The following APC2 variants were observed in gnomAD, a reference collection of about 807,000 sequenced individuals.
APC2 encodes APC regulator of Wnt signaling pathway 2.
In APC2, 41 loss-of-function variants were observed where a neutral mutation model predicts 72.5. That is an observed-to-expected ratio of 0.57 (90% CI 0.44 to 0.73). The LOEUF (loss-of-function observed/expected upper bound fraction) is 0.73, where lower values mean the gene tolerates loss of function less well. Among genes scored for constraint, APC2 ranks in the 30% least tolerant of loss-of-function variants. The probability of loss-of-function intolerance (pLI) is 0.00; values close to 1 mark genes in which losing one functional copy is unlikely to be tolerated. For synonymous variants in APC2, 1,898 were observed against 1,612.0 expected (o/e 1.18, Z -4.25); for missense variants, 3,729 against 3,403.4 (o/e 1.10, Z -2.38).
chr19:1,455,717 G>T (rs1376348558), intron 6 of APC2, among the ~76,000 whole-genome samples: 1 of 152,030 alleles, frequency 6.6e-6, no homozygotes, highest in Non-Finnish European at 1.5e-5. Flanking sequence ...AGGGCGGTGG[G>T]GTGCGACAGT....
In APC2 at chr19:1,450,166, G is replaced by C; in HGVS notation, c.-191G>C. On this transcript the variant is annotated 5_prime_UTR_variant, in exon 1 of 15. Coordinates refer to ENST00000590469, the MANE Select transcript of APC2 (RefSeq NM_005883.3). ...TAGGAGCGGCAGCGCCGCCTGCCCA[G>C]GCCCGGACCGGGCTTTGTCCGCCCC... 1.0e-6 allele frequency: 1 copy of C among 985,308 alleles called. No individual in the cohort carries two copies. Among genetic ancestry groups the C allele is most frequent in the Non-Finnish European group, 1.2e-6 (1 of 829,908 alleles). The allele number at this position is 985,308 out of a possible 1,614,324, so 61.0% of individuals were successfully genotyped here. A position where few individuals can be genotyped will look rare whatever the true frequency, so the allele number is the denominator to read the frequency against.
In APC2 at chr19:1,470,169, G is replaced by A. The variant is rs762838706; in HGVS notation, c.6868G>A (p.Ala2290Thr). The A allele has an allele frequency of 6.9e-6, 11 of 1,602,264 alleles. No homozygotes were observed. Among genetic ancestry groups the A allele is most frequent in the Non-Finnish European group, 9.3e-6 (11 of 1,176,578 alleles). ...MVVAATTDSA[A>T]EKAPATASAT... ...GGTCGCAGCCACCACCGACTCGGCCGCGGAGAAAGCCCCGGCCACTGCCTC... is the reference window on the plus strand; with the variant it reads ...GGTCGCAGCCACCACCGACTCGGCCACGGAGAAAGCCCCGGCCACTGCCTC... The change falls in exon 15 of 15, where the codon GCG (alanine) becomes ACG (threonine). Residue 2290 changes from alanine (A) to threonine (T), a missense_variant. Physicochemically the swap from Ala to Thr is moderately conservative, Grantham distance 58. Transcript: ENST00000590469.
In APC2 at chr19:1,462,124, C is replaced by T. The variant is rs370253263; in HGVS notation, c.1800C>T (p.Gly600=). The change falls in exon 14 of 15, where the codon GGC becomes GGT. Residue 600 remains glycine, a synonymous_variant. Coordinates refer to ENST00000590469, the MANE Select transcript of APC2 (RefSeq NM_005883.3). ...QSNSLAIIES[G]GGILRNVSSL... ...ACTCGCTGGCCATCATCGAGAGCGG[C>T]GGCGGCATCCTCCGCAATGTGTCCA... 33 of 1,612,382 alleles carry T rather than the reference C, an allele frequency of 2.0e-5. No homozygotes were observed. The highest frequency in any genetic ancestry group is 2.0e-4 in the African/African-American group (15 of 74,926).
chr19:1,457,298 TC>T lies in APC2; in HGVS notation c.1207+58del, dbSNP rs1382676045. On this transcript the variant is annotated intron_variant, in intron 9 of 14. Coordinates refer to ENST00000590469, the MANE Select transcript of APC2 (RefSeq NM_005883.3). Reference sequence around the variant, plus strand: ...GCGCAATTAACGTGCAGCTAGGGCTTCCCGGGGGATGGGCGACTAGGACCTC... The same window carrying T: ...GCGCAATTAACGTGCAGCTAGGGCTTCCGGGGGATGGGCGACTAGGACCTC... 2.0e-6 allele frequency: 3 copies of T among 1,466,356 alleles called. No individual in the cohort carries two copies. The African/African-American group carries it at 4.4e-5, about 22-fold the overall frequency. 90.8% of individuals were successfully genotyped at this position (1,466,356 alleles called of 1,614,324 possible). A position where few individuals can be genotyped will look rare whatever the true frequency, so the allele number is the denominator to read the frequency against.
Position 1,450,221 on chromosome 19 carries a change from G to T in APC2, c.-136G>T. On this transcript the variant is annotated 5_prime_UTR_variant, in exon 1 of 15. Coordinates refer to ENST00000590469, the MANE Select transcript of APC2 (RefSeq NM_005883.3). ...CCCCTGCCCGCGCCGCGGAGACCCC[G>T]GAGCCCGCGCGCTCCGAGGCCACCC... The T allele has an allele frequency of 2.0e-6, 2 of 985,130 alleles. No individual in the cohort carries two copies. Among genetic ancestry groups the T allele is most frequent in the Non-Finnish European group, 2.4e-6 (2 of 829,812 alleles). 61.0% of individuals were successfully genotyped at this position (985,130 alleles called of 1,614,324 possible).
chr19:1,458,570 CA>C (rs1306595649), intron 10 of APC2: 69 of 151,642 alleles, frequency 4.6e-4, no homozygotes, highest in South Asian at 1.4e-3. Flanking sequence ...CCCATCACTA[CA>C]AAAAAAAAAT....
rs138830892 is a variant in APC2 at position 1,456,317 on chromosome 19, G to A, written c.729G>A (p.Ala243=). The A allele has an allele frequency of 1.2e-6, 2 of 1,608,138 alleles. No individual in the cohort carries two copies. Among genetic ancestry groups the A allele is most frequent in the Admixed American group, 3.3e-5 (2 of 59,704 alleles). Residue 243 remains alanine, a synonymous_variant, in exon 8 of 15, where the codon GCG becomes GCA. Coordinates refer to ENST00000590469, the MANE Select transcript of APC2 (RefSeq NM_005883.3). ...TGCTCTCCCTGCAGGCCTTGCTGGC[G>A]GTGAAGTCGGTGCCGGTGGACGAGG... ...VQQTEPQALL[A]VKSVPVDEDP...
rs374357481 is a variant in APC2 at position 1,456,067 on chromosome 19, C to G, written c.640-9C>G. 1 of 1,560,394 alleles carries G rather than the reference C, an allele frequency of 6.4e-7. No individual in the cohort carries two copies. Among genetic ancestry groups the G allele is most frequent in the South Asian group, 1.2e-5 (1 of 85,270 alleles). On this transcript the variant is annotated splice_polypyrimidine_tract_variant and intron_variant, in intron 6 of 14. Transcript: ENST00000590469. ...GCTCCAGCACTTGCCCTCGTGTGGT[C>G]CTGAGCAGATCCGCGCCTCGCGCCT...
At position 1,468,071 on chromosome 19, in the gene APC2, G is replaced by C. The variant is rs749796721; in HGVS notation, c.4770G>C (p.Glu1590Asp). 7 of 1,560,132 alleles carry C rather than the reference G, an allele frequency of 4.5e-6. No individual in the cohort carries two copies. Among genetic ancestry groups the C allele is most frequent in the Non-Finnish European group, 5.2e-6 (6 of 1,162,892 alleles). Residue 1590 changes from glutamate to aspartate, a missense_variant, in exon 15 of 15, where the codon GAG (glutamate) becomes GAC (aspartate). By Grantham distance (45) the Glu-to-Asp change is conservative. Coordinates refer to ENST00000590469, the MANE Select transcript of APC2 (RefSeq NM_005883.3). ...CCGCCAGCTCCCTCAGCGAGCCCGA[G>C]CCCTCGGAGCCGCCGGCCGTCCATC... ...SSSASSLSEP[E>D]PSEPPAVHPR...
rs1437805640 is a variant in APC2, at chr19:1,465,477, C to G, written c.2176C>G (p.Leu726Val). The G allele has an allele frequency of 2.0e-6, 3 of 1,529,278 alleles. No individual in the cohort carries two copies. Among genetic ancestry groups the G allele is most frequent in the Non-Finnish European group, 2.6e-6 (3 of 1,142,746 alleles). 94.7% of individuals were successfully genotyped at this position (1,529,278 alleles called of 1,614,324 possible). A position where few individuals can be genotyped will look rare whatever the true frequency, so the allele number is the denominator to read the frequency against. The change falls in exon 15 of 15, where the codon CTG becomes GTG. Residue 726 changes from leucine (L) to valine (V), a missense_variant. Physicochemically the swap from Leu to Val is conservative, Grantham distance 32 (BLOSUM62 1). Coordinates refer to ENST00000590469, the MANE Select transcript of APC2 (RefSeq NM_005883.3). Reference sequence around the variant, plus strand: ...CCTGTACGTGCGCAAGCAGCGGGCGCTGGAGGCCGAGCTGGACGCACGGCA... The same window carrying G: ...CCTGTACGTGCGCAAGCAGCGGGCGGTGGAGGCCGAGCTGGACGCACGGCA... ...PSLYVRKQRALEAELDARHLA... is the reference protein window; with the variant it reads ...PSLYVRKQRAVEAELDARHLA...
chr19:1,468,864 C>T lies in APC2; in HGVS notation c.5563C>T (p.Leu1855=), dbSNP rs780290775. Residue 1855 remains leucine (L), a synonymous_variant, in exon 15 of 15, where the codon CTG becomes TTG. Transcript: ENST00000590469. ...TGCCAAGACCTCGGAGCTGGCGACG[C>T]TGAGCCAGCCCCCCAGAAGCGCCAC... ...RPAKTSELAT[L]SQPPRSATPP... 72 of 1,544,930 alleles carry T rather than the reference C, an allele frequency of 4.7e-5. No individual in the cohort carries two copies. The East Asian group carries it at 4.9e-4, about 11-fold the overall frequency.
chr19:1,459,095 G>A (rs2083884231), intron 10 of APC2, among the ~76,000 whole-genome samples: 4 of 152,076 alleles, frequency 2.6e-5, no homozygotes, highest in Admixed American at 2.6e-4. Flanking sequence ...GATGGAGCTA[G>A]GGACATCCTA....
intron 6 of APC2, 104 bp downstream of exon 6, chr19:1,455,604 CTT>C (rs2083810747): frequency 4.5e-6 from 5 of 1,120,730 alleles, no homozygotes; most frequent in Admixed American, 4.1e-5. Context: ...TGGGAGGAGT[CTT>C]ATGCCTCCTG....
Position 1,468,581 on chromosome 19 carries a change from G to A in APC2, c.5280G>A (p.Lys1760=). The A allele has an allele frequency of 6.2e-7, 1 of 1,600,292 alleles. No homozygotes were observed. The highest frequency in any genetic ancestry group is 8.5e-7 in the Non-Finnish European group (1 of 1,171,666). ...RPEKRGAASV[K]TSGSPRSPAG... ...AGAAAAGGGGCGCAGCCTCAGTCAA[G>A]ACCAGCGGGAGCCCCCGTTCCCCTG... Residue 1760 remains lysine (K), a synonymous_variant, in exon 15 of 15, where the codon AAG becomes AAA. Coordinates refer to ENST00000590469, the MANE Select transcript of APC2 (RefSeq NM_005883.3).
At chr19:1,457,323 TCCAGCCTTTGCTG>T in intron 9 of APC2, 80 bp downstream of exon 9, 1 of 1,446,216 alleles carries the variant, frequency 6.9e-7, no homozygotes, top group Non-Finnish European at 9.0e-7. Flanking sequence ...GACTAGGACC[TCCAGCCTTTGCTG>T]CCTGCCTTCT....
At chr19:1,448,004 C>A (rs777598719), upstream of APC2, among the ~76,000 whole-genome samples, 2 of 152,110 alleles carry the variant, frequency 1.3e-5, no homozygotes, top group Non-Finnish European at 2.9e-5. Flanking sequence ...GATCATCCAA[C>A]CCACCCTTCA....
intron 14 of APC2, 112 bp downstream of exon 14, chr19:1,462,289 C>T: frequency 1.0e-6 from 1 of 999,064 alleles, no homozygotes; most frequent in South Asian, 1.7e-5. Context: ...TCCCCAGGGG[C>T]TGCTGTTTGC....
rs757303417 is a variant in APC2 at position 1,468,763 on chromosome 19, C to T, written c.5462C>T (p.Pro1821Leu). 2.6e-5 allele frequency: 39 copies of T among 1,504,094 alleles called. No individual in the cohort carries two copies. The South Asian group carries it at 3.3e-4, about 13-fold the overall frequency. The allele number at this position is 1,504,094 out of a possible 1,614,324, so 93.2% of individuals were successfully genotyped here. ...PRATPRKVAP[P>L]CLAQPAAPAK... ...GCCACACCGCGGAAGGTGGCGCCCCCTTGCCTGGCACAGCCCGCGGCTCCA... is the reference window on the plus strand; with the variant it reads ...GCCACACCGCGGAAGGTGGCGCCCCTTTGCCTGGCACAGCCCGCGGCTCCA... The change falls in exon 15 of 15, where the codon CCT (proline) becomes CTT (leucine). Residue 1821 changes from proline to leucine, a missense_variant. Coordinates refer to ENST00000590469, the MANE Select transcript of APC2 (RefSeq NM_005883.3).
At position 1,466,296 on chromosome 19, in the gene APC2, T is replaced by C; in HGVS notation, c.2995T>C (p.Tyr999His). Residue 999 changes from tyrosine (Y) to histidine (H), a missense_variant, in exon 15 of 15, where the codon TAT becomes CAT. Transcript: ENST00000590469. ...RVRTIKLSPT[Y>H]QHVPLLEGAS... is the part of the protein sequence containing the mutation. ...GCGCACCATCAAGCTGTCGCCTACC[T>C]ATCAGCACGTGCCACTGCTTGAGGG... 6.5e-7 allele frequency: 1 copy of C among 1,537,136 alleles called. No homozygotes were observed. Among genetic ancestry groups the C allele is most frequent in the Non-Finnish European group, 8.7e-7 (1 of 1,147,078 alleles).
Sources: gnomAD v4.1 joint callset for allele counts (sites outside exome capture counted in the v4.1 genomes callset) on GRCh38, gnomAD v4.1.1 for gene constraint, MANE v1.5 for transcripts, NCBI Gene and HGNC (gene_info 2026-07-23, HGNC 2026-07-21) for gene names.